METTL25: variants seen among roughly 807,000 people sequenced by gnomAD.
METTL25 encodes methyltransferase like 25.
METTL25 carries 64 observed loss-of-function variants against 71.6 expected under a neutral mutation model. The ratio of observed to expected loss-of-function variants is 0.89; its 90% confidence interval spans 0.73 to 1.10. METTL25 has a LOEUF of 1.10. Among genes scored for constraint, METTL25 ranks in the 50% least tolerant of loss-of-function variants. The pLI is 0.00. For synonymous variants in METTL25, 287 were observed against 250.3 expected (o/e 1.15, Z -1.38); for missense variants, 807 against 707.0 (o/e 1.14, Z -1.60).
Position 82,399,131 on chromosome 12 carries a change from A to G in METTL25, c.868A>G (p.Arg290Gly). The change falls in exon 4 of 12, where the codon AGA becomes GGA. Residue 290 changes from arginine (R) to glycine (G), a missense_variant. Coordinates refer to ENST00000248306, the MANE Select transcript of METTL25 (RefSeq NM_032230.3). ...TTCTGGCTCTGTAATTTCTAATATC[A>G]GAAACCAAATGGAAACCCTTCATTC... is the stretch of plus-strand genomic sequence containing the variant. ...DFSGSVISNI[R>G]NQMETLHSQP... 2 of 1,613,840 alleles carry G rather than the reference A, an allele frequency of 1.2e-6. No individual in the cohort carries two copies. Among genetic ancestry groups the G allele is most frequent in the Non-Finnish European group, 1.7e-6 (2 of 1,179,874 alleles).
intron 1 of METTL25, among the ~76,000 whole-genome samples, chr12:82,378,696 C>T (rs1477727575): frequency 2.0e-5 from 3 of 152,088 alleles, no homozygotes; most frequent in Non-Finnish European, 4.4e-5. Context: ...TTACAGTTTT[C>T]CTGAGACAAA....
chr12:82,376,553 G>A (rs372700579), intron 1 of METTL25, among the ~76,000 whole-genome samples: 2 of 152,130 alleles, frequency 1.3e-5, no homozygotes, highest in African/African-American at 2.4e-5. Flanking sequence ...CACCACAAGT[G>A]GCTCTATCTT....
In METTL25 at chr12:82,386,887, A is replaced by G. The variant is rs150669760; in HGVS notation, c.344A>G (p.Tyr115Cys). The G allele has an allele frequency of 8.1e-6, 13 of 1,613,354 alleles. No homozygotes were observed. The African/African-American group carries it at 1.1e-4, about 13-fold the overall frequency. Reference protein sequence around the residue: ...VEAFALAAKYYSVQNLGICTP... With the variant: ...VEAFALAAKYCSVQNLGICTP... ...GCCTTTGCTCTGGCTGCGAAATACT[A>G]TTCTGTACAAAACTTGGGAATATGT... The change falls in exon 2 of 12, where the codon TAT becomes TGT. Residue 115 changes from tyrosine (Y) to cysteine (C), a missense_variant. Coordinates refer to ENST00000248306, the MANE Select transcript of METTL25 (RefSeq NM_032230.3).
chr12:82,417,419 T>C (rs1198467206), intron 5 of METTL25, among the ~76,000 whole-genome samples: 1 of 152,186 alleles, frequency 6.6e-6, no homozygotes, highest in East Asian at 1.9e-4. Context: ...ATTCACATTA[T>C]AAAATGAGTT....
intron 8 of METTL25, among the ~76,000 whole-genome samples, chr12:82,450,361 C>T (rs2137232203): frequency 6.6e-6 from 1 of 152,198 alleles, no homozygotes; most frequent in Non-Finnish European, 1.5e-5. Context: ...TAGGTTCAAT[C>T]TTTCAGCAAC....
chr12:82,447,209 T>C (rs1438738319), intron 8 of METTL25, among the ~76,000 whole-genome samples: 1 of 152,050 alleles, frequency 6.6e-6, no homozygotes, highest in Non-Finnish European at 1.5e-5. Flanking sequence ...ATGGAAAATA[T>C]ATATACATGC....
intron 4 of METTL25, among the ~76,000 whole-genome samples, chr12:82,400,088 C>T (rs543760018): frequency 1.3e-5 from 2 of 151,932 alleles, no homozygotes; most frequent in Admixed American, 6.6e-5. Context: ...CTTTGGGAGG[C>T]CAAGGCAGGT....
At chr12:82,359,584 C>A (rs1881534439) in intron 1 of METTL25, among the ~76,000 whole-genome samples, 1 of 152,220 alleles carries the variant, frequency 6.6e-6, no homozygotes, top group South Asian at 2.1e-4. Context: ...AGGAGACTAC[C>A]TCAGTAGTAC....
intron 5 of METTL25, among the ~76,000 whole-genome samples, chr12:82,419,319 T>A (rs1888260204): frequency 6.6e-6 from 1 of 152,088 alleles, no homozygotes; most frequent in Non-Finnish European, 1.5e-5. Flanking sequence ...AAGTTTATCA[T>A]CAGAAATGTC....
chr12:82,463,650 G>T (rs980347884), intron 9 of METTL25, among the ~76,000 whole-genome samples: 1 of 151,858 alleles, frequency 6.6e-6, no homozygotes, highest in African/African-American at 2.4e-5. Flanking sequence ...GTTCTTTCTG[G>T]AACCTCTATC....
At chr12:82,369,976 A>C (rs1028948806) in intron 1 of METTL25, among the ~76,000 whole-genome samples, 3 of 152,058 alleles carry the variant, frequency 2.0e-5, no homozygotes, top group Non-Finnish European at 2.9e-5. Context: ...TGCATTTATA[A>C]TCCTCTAGCT....
chr12:82,476,691 A>G lies in METTL25; in HGVS notation c.1620A>G (p.Arg540=), dbSNP rs1892900879. The G allele has an allele frequency of 6.3e-7, 1 of 1,599,196 alleles. No individual in the cohort carries two copies. Among genetic ancestry groups the G allele is most frequent in the Non-Finnish European group, 8.5e-7 (1 of 1,173,816 alleles). The change falls in exon 10 of 12, where the codon CGA becomes CGG. Residue 540 remains arginine, a synonymous_variant. Coordinates refer to ENST00000248306, the MANE Select transcript of METTL25 (RefSeq NM_032230.3). The stretch of plus-strand genomic sequence containing the variant: ...ACTACTACGAGAAGTATAAGCCTCG[A>G]ATGAATGAGCTGGAAGCTTTTAATA... ...IMNYYEKYKP[R]MNELEAFNML...
chr12:82,447,045 T>G (rs866562806), intron 8 of METTL25, among the ~76,000 whole-genome samples: 2 of 151,656 alleles, frequency 1.3e-5, no homozygotes, highest in African/African-American at 4.8e-5. Flanking sequence ...AAACTTGAAA[T>G]AAATGACCTC....
intron 1 of METTL25, chr12:82,369,365 C>A: frequency 2.6e-6 from 1 of 381,796 alleles, no homozygotes; most frequent in Non-Finnish European, 5.2e-6. Flanking sequence ...GTTTTGTGTC[C>A]GGAATTGTTT....
chr12:82,387,922 T>C (rs1885207042), intron 2 of METTL25, among the ~76,000 whole-genome samples: 1 of 152,128 alleles, frequency 6.6e-6, no homozygotes, highest in Admixed American at 6.6e-5. Context: ...TTCTTTACTT[T>C]TTCCAAGAAT....
At chr12:82,409,006 A>C (rs4143188) in intron 5 of METTL25, among the ~76,000 whole-genome samples, 125,574 of 152,082 alleles carry the variant, frequency 0.83, 52,653 homozygotes, top group East Asian at 1. Flanking sequence ...TTGGGATGTA[A>C]ATTTGAGTTA....
At chr12:82,395,894 CTA>C (rs1886027909) in intron 3 of METTL25, among the ~76,000 whole-genome samples, 1 of 152,020 alleles carries the variant, frequency 6.6e-6, no homozygotes, top group Non-Finnish European at 1.5e-5. Context: ...AGAGTTTCTA[CTA>C]TATAGCCCTT....
At chr12:82,464,556 G>T (rs1251120288) in intron 9 of METTL25, among the ~76,000 whole-genome samples, 1 of 151,872 alleles carries the variant, frequency 6.6e-6, no homozygotes, top group Non-Finnish European at 1.5e-5. Context: ...GATGCTTCCA[G>T]CTTTGTTCTT....
intron 3 of METTL25, among the ~76,000 whole-genome samples, chr12:82,394,049 T>G (rs1885860413): frequency 1.3e-5 from 2 of 152,032 alleles, no homozygotes; most frequent in Non-Finnish European, 2.9e-5. Flanking sequence ...TTTATACTCT[T>G]CAGAGTTTCT....
Sources: gnomAD v4.1 joint callset for allele counts (sites outside exome capture counted in the v4.1 genomes callset) on GRCh38, gnomAD v4.1.1 for gene constraint, MANE v1.5 for transcripts, NCBI Gene and HGNC (gene_info 2026-07-23, HGNC 2026-07-21) for gene names.